The following AIF1L variants were observed in gnomAD, a reference collection of about 807,000 sequenced individuals.
AIF1L encodes the protein allograft inflammatory factor 1 like, also known as allograft inflammatory factor 1-like.
AIF1L carries 12 observed loss-of-function variants against 20.7 expected under a neutral mutation model. That is an observed-to-expected ratio of 0.58 (90% CI 0.37 to 0.94). The LOEUF (loss-of-function observed/expected upper bound fraction) is 0.94. AIF1L is among the 40% of genes least tolerant of loss of function. AIF1L has a pLI of 0.01. For missense variants in AIF1L, 173 were observed against 185.3 expected (o/e 0.93, Z 0.39); for synonymous variants, 76 against 65.1 (o/e 1.17, Z -0.81).
At chr9:131,108,665 C>T (rs115974603) in intron 2 of AIF1L, among the ~76,000 whole-genome samples, 192 of 152,346 alleles carry the variant, frequency 1.3e-3, no homozygotes, top group African/African-American at 4.4e-3. Flanking sequence ...CCTCTCCCAA[C>T]CCAGTGAGGG....
intron 2 of AIF1L, among the ~76,000 whole-genome samples, chr9:131,109,822 A>G (rs546130876): frequency 6.6e-6 from 1 of 152,166 alleles, no homozygotes. Flanking sequence ...TAAAGAATGT[A>G]GGGGCTAAGG....
intron 1 of AIF1L, 44 bp from the exon 2 acceptor site, chr9:131,096,758 C>T (rs1027925807): frequency 2.0e-6 from 3 of 1,505,368 alleles, no homozygotes; most frequent in African/African-American, 2.9e-5. Context: ...GCGCGTGGCC[C>T]GAAGAGGACC....
intron 2 of AIF1L, among the ~76,000 whole-genome samples, chr9:131,105,416 G>A (rs181236183): frequency 6.6e-6 from 1 of 152,344 alleles, no homozygotes; most frequent in East Asian, 1.9e-4. Context: ...CCAGGCTGGA[G>A]TGCAGTGGCG....
intron 2 of AIF1L, among the ~76,000 whole-genome samples, chr9:131,109,555 G>A (rs147399788): frequency 0.06 from 9,080 of 151,702 alleles, 389 homozygotes; most frequent in Non-Finnish European, 0.089. Flanking sequence ...GCGAGACTCC[G>A]TCTCAAAAAA....
intron 1 of AIF1L, 54 bp downstream of exon 1, chr9:131,096,714 G>C: frequency 6.9e-7 from 1 of 1,449,112 alleles, no homozygotes; most frequent in Non-Finnish European, 9.0e-7. Flanking sequence ...GGACCGCGGG[G>C]TCCACCGCGC....
At chr9:131,101,240 C>CT (rs574511679) in intron 2 of AIF1L, among the ~76,000 whole-genome samples, 2 of 152,162 alleles carry the variant, frequency 1.3e-5, no homozygotes, top group Non-Finnish European at 2.9e-5. Flanking sequence ...GGCTGTGCTC[C>CT]ATGCCCACAG....
In AIF1L at chr9:131,120,238, C is replaced by A; in HGVS notation, c.369C>A (p.Val123=). 1 of 1,613,328 alleles carries A rather than the reference C, an allele frequency of 6.2e-7. No homozygotes were observed. Among genetic ancestry groups the A allele is most frequent in the South Asian group, 1.1e-5 (1 of 90,968 alleles). ...CTTTTCTCCATCTCCAAACCAGAGT[C>A]ATGATGTTTGAAGGAAAAGCCAACG... ...LGKRSAVLKL[V]MMFEGKANES... Residue 123 remains valine, a synonymous_variant, in exon 6 of 6, where the codon GTC becomes GTA. Coordinates refer to ENST00000247291, the MANE Select transcript of AIF1L (RefSeq NM_031426.4).
chr9:131,103,123 T>C, intron 2 of AIF1L: 1 of 385,364 alleles, frequency 2.6e-6, no homozygotes, highest in South Asian at 1.9e-5. Context: ...CTTGGGGGCC[T>C]CGCTGGAGGC....
chr9:131,097,032 C>T (rs1015279718), intron 2 of AIF1L, among the ~76,000 whole-genome samples, 169 bp downstream of exon 2: 1 of 152,216 alleles, frequency 6.6e-6, no homozygotes, highest in Non-Finnish European at 1.5e-5. Context: ...CCTCCGACTC[C>T]AGGTAGGTCC....
intron 5 of AIF1L, 69 bp downstream of exon 5, chr9:131,117,987 C>T (rs1056574134): frequency 4.0e-6 from 6 of 1,487,324 alleles, no homozygotes; most frequent in Middle Eastern, 1.9e-4. Flanking sequence ...GCCCCTGGCT[C>T]TGGGCACCCC....
Position 131,110,544 on chromosome 9 carries a change from C to T in AIF1L, c.94-1053C>T, listed in dbSNP as rs1314888985. On this transcript the variant is annotated intron_variant, in intron 2 of 5. Transcript: ENST00000247291. ...TTTAAGATGGAGTCTCTCTCTGTCT[C>T]CCAGGCTGGAGTACAGTGGCATGAT... Among the ~76,000 whole-genome samples, 10 of 150,302 alleles carry T rather than the reference C, an allele frequency of 6.7e-5. 1 individual carries two copies. Among genetic ancestry groups the T allele is most frequent in the African/African-American group, 2.2e-4 (9 of 40,928 alleles).
chr9:131,107,591 T>C (rs1050041877), intron 2 of AIF1L, among the ~76,000 whole-genome samples: 8 of 152,248 alleles, frequency 5.3e-5, no homozygotes, highest in African/African-American at 1.9e-4. Context: ...CTGAATGGAT[T>C]CCATTTAAAC....
intron 2 of AIF1L, chr9:131,102,734 T>C (rs1324958175): frequency 8.3e-6 from 3 of 362,398 alleles, no homozygotes; most frequent in Non-Finnish European, 1.6e-5. Context: ...CATTACAGGC[T>C]TCTGCTACTC....
At chr9:131,112,342 G>C (rs1830910049) in intron 3 of AIF1L, 1 of 152,494 alleles carries the variant, frequency 6.6e-6, no homozygotes, top group Non-Finnish European at 1.5e-5. Flanking sequence ...TATCCTGGAG[G>C]TTGCATTCCC....
chr9:131,120,346 C>A lies in AIF1L; in HGVS notation c.*24C>A. On this transcript the variant is annotated 3_prime_UTR_variant, in exon 6 of 6. Coordinates refer to ENST00000247291, the MANE Select transcript of AIF1L (RefSeq NM_031426.4). ...GAGGACCCCGCCTGGACTCCCCAGCCTTCCCACCCCATACCTCCCTCCCGA... is the reference window on the plus strand; with the variant it reads ...GAGGACCCCGCCTGGACTCCCCAGCATTCCCACCCCATACCTCCCTCCCGA... 6.4e-7 allele frequency: 1 copy of A among 1,557,546 alleles called. No homozygotes were observed. Among genetic ancestry groups the A allele is most frequent in the Non-Finnish European group, 8.7e-7 (1 of 1,143,836 alleles).
chr9:131,111,727 C>T (rs1045023731), intron 3 of AIF1L, 64 bp downstream of exon 3: 94 of 1,473,406 alleles, frequency 6.4e-5, no homozygotes, highest in Non-Finnish European at 8.5e-5. Context: ...CTCATCCTTG[C>T]ACACAGGACC....
intron 5 of AIF1L, among the ~76,000 whole-genome samples, chr9:131,118,388 C>T (rs552457544): frequency 2.8e-4 from 42 of 151,706 alleles, no homozygotes; most frequent in African/African-American, 1.0e-3. Flanking sequence ...CCACCACACC[C>T]GGCCCAAATG....
At chr9:131,109,798 A>G (rs1218810699) in intron 2 of AIF1L, among the ~76,000 whole-genome samples, 1 of 152,196 alleles carries the variant, frequency 6.6e-6, no homozygotes, top group Non-Finnish European at 1.5e-5. Flanking sequence ...GAACACCTGC[A>G]ATCTGCCCAC....
At chr9:131,105,973 C>T (rs1012991852) in intron 2 of AIF1L, among the ~76,000 whole-genome samples, 1 of 152,122 alleles carries the variant, frequency 6.6e-6, no homozygotes, top group African/African-American at 2.4e-5. Context: ...CACGCACCAC[C>T]ACACCCAGCT....
Sources: allele counts gnomAD v4.1 joint callset (sites outside exome capture counted in the v4.1 genomes callset), GRCh38; gene constraint gnomAD v4.1.1; transcripts MANE v1.5; gene names NCBI Gene and HGNC (gene_info 2026-07-23, HGNC 2026-07-21).